The following BCL11A variants were observed in gnomAD, a reference collection of about 807,000 sequenced individuals.
The protein encoded by BCL11A is BCL11 transcription factor A.
In BCL11A, 2 loss-of-function variants were observed where a neutral mutation model predicts 55.9. The observed-to-expected ratio is 0.04, with a 90% CI of 0.01 to 0.11. The LOEUF (loss-of-function observed/expected upper bound fraction) is 0.11, where lower values mean the gene tolerates loss of function less well. BCL11A is among the 10% of genes least tolerant of loss of function. The probability of loss-of-function intolerance (pLI) is 1.00; values close to 1 mark genes in which losing one functional copy is unlikely to be tolerated. For missense variants in BCL11A, 817 were observed against 1,137.1 expected (o/e 0.72, Z 4.05); for synonymous variants, 465 against 473.4 (o/e 0.98, Z 0.23).
intron 2 of BCL11A, among the ~76,000 whole-genome samples, chr2:60,540,927 A>C (rs1246204104): frequency 1.3e-5 from 2 of 149,766 alleles, no homozygotes; most frequent in Non-Finnish European, 3.0e-5. Flanking sequence ...GGGTGATTTA[A>C]GAAATTACAG....
chr2:60,497,765 C>A (rs537408384), intron 2 of BCL11A, among the ~76,000 whole-genome samples: 41 of 152,170 alleles, frequency 2.7e-4, no homozygotes, highest in Non-Finnish European at 5.0e-4. Flanking sequence ...TTACTATAGG[C>A]ACATATTTCC....
At chr2:60,452,785 C>G, downstream of BCL11A, 7 of 719,592 alleles carry the variant, frequency 9.7e-6, no homozygotes, top group Middle Eastern at 2.6e-4. Context: ...AACCACAGGT[C>G]GAGCCACTGG....
chr2:60,550,691 G>T (rs188402781), intron 1 of BCL11A, among the ~76,000 whole-genome samples: 9 of 152,242 alleles, frequency 5.9e-5, no homozygotes, highest in African/African-American at 1.7e-4. Flanking sequence ...CAGGAGGAGG[G>T]GGTACTAACC....
At chr2:60,495,905 G>A (rs1678918413) in intron 2 of BCL11A, 1 of 152,154 alleles carries the variant, frequency 6.6e-6, no homozygotes, top group South Asian at 2.1e-4. Context: ...GCTCTAAATG[G>A]TGCTGTCATT....
intron 2 of BCL11A, among the ~76,000 whole-genome samples, chr2:60,523,523 A>C (rs1293696042): frequency 6.6e-6 from 1 of 152,216 alleles, no homozygotes. Context: ...ACACAGGCAC[A>C]CAACTATATA....
chr2:60,502,203 G>A (rs898805919), intron 2 of BCL11A, among the ~76,000 whole-genome samples: 1 of 152,206 alleles, frequency 6.6e-6, no homozygotes, highest in African/African-American at 2.4e-5. Context: ...CAGAGATCAG[G>A]TCCCTCCAAA....
intron 2 of BCL11A, among the ~76,000 whole-genome samples, chr2:60,497,669 C>T (rs1679030559): frequency 6.6e-6 from 1 of 152,134 alleles, no homozygotes; most frequent in African/African-American, 2.4e-5. Context: ...CACTTTGCAC[C>T]TTCCAGAGCA....
At chr2:60,503,062 C>T (rs556534154) in intron 2 of BCL11A, among the ~76,000 whole-genome samples, 9 of 152,286 alleles carry the variant, frequency 5.9e-5, no homozygotes, top group East Asian at 3.9e-4. Context: ...TTAATACACA[C>T]GGAATGTGTT....
chr2:60,461,883 C>T lies in BCL11A; in HGVS notation c.1029G>A (p.Leu343=). The T allele has an allele frequency of 1.9e-6, 3 of 1,614,068 alleles. No individual in the cohort carries two copies. Among genetic ancestry groups the T allele is most frequent in the Non-Finnish European group, 2.5e-6 (3 of 1,179,920 alleles). Residue 343 remains leucine (L), a synonymous_variant, in exon 4 of 4, where the codon CTG becomes CTA. Transcript: ENST00000642384. Reference sequence around the variant, plus strand: ...GCTTGCTACCTGGCTGGAATGGTTGCAGTAACCTTTGCATAGGGCTGGGCC... The same window carrying T: ...GCTTGCTACCTGGCTGGAATGGTTGTAGTAACCTTTGCATAGGGCTGGGCC... ...PGRPSPMQRL[L]QPFQPGSKPP... is the part of the protein sequence containing the mutation.
chr2:60,545,578 G>A, intron 2 of BCL11A: 2 of 192,680 alleles, frequency 1.0e-5, no homozygotes, highest in Non-Finnish European at 2.2e-5. Context: ...TGGCTGAACT[G>A]CAAATGCCTA....
chr2:60,517,899 C>G (rs1668804386), intron 2 of BCL11A, among the ~76,000 whole-genome samples: 3 of 148,172 alleles, frequency 2.0e-5, no homozygotes, highest in Non-Finnish European at 4.4e-5. Flanking sequence ...GTGCTTTCTT[C>G]TATGATTCCT....
rs144462800 is a variant in BCL11A at position 60,525,980 on chromosome 2, T to C, written c.385+19991A>G. ...AAATAGTTTATCATAATGCTCTCAA[T>C]TGGAAGGTCTTCATACTACAGGCAG... On this transcript the variant is annotated intron_variant, in intron 2 of 3. Coordinates refer to ENST00000642384, the MANE Select transcript of BCL11A (RefSeq NM_022893.4). The C allele has an allele frequency of 9.8e-5, 15 of 152,338 alleles. No homozygotes were observed. The East Asian group carries it at 2.9e-3, about 29-fold the overall frequency. The allele number at this position is 152,338 out of a possible 1,614,324, so 9.4% of individuals were successfully genotyped here. A position where few individuals can be genotyped will look rare whatever the true frequency, so the allele number is the denominator to read the frequency against.
chr2:60,513,499 G>T (rs955676161), intron 2 of BCL11A, among the ~76,000 whole-genome samples: 1 of 152,184 alleles, frequency 6.6e-6, no homozygotes, highest in African/African-American at 2.4e-5. Context: ...TGTTGGGTTA[G>T]CCTCTAGCCA....
chr2:60,541,926 C>G (rs1669942075), intron 2 of BCL11A: 2 of 705,614 alleles, frequency 2.8e-6, no homozygotes, highest in Non-Finnish European at 5.2e-6. Flanking sequence ...TCAGTCTGAG[C>G]TAGGAGAGAA....
At chr2:60,506,033 C>G (rs1352434683) in intron 2 of BCL11A, among the ~76,000 whole-genome samples, 1 of 152,164 alleles carries the variant, frequency 6.6e-6, no homozygotes, top group Non-Finnish European at 1.5e-5. Context: ...GCTTTGCAGC[C>G]CGGGTGAAAC....
At chr2:60,487,392 G>C (rs1453261183) in intron 2 of BCL11A, among the ~76,000 whole-genome samples, 1 of 152,112 alleles carries the variant, frequency 6.6e-6, no homozygotes, top group East Asian at 1.9e-4. Flanking sequence ...GAGCAGTGTA[G>C]TGGGCAGTTA....
chr2:60,450,725 A>T (rs1485188499), downstream of BCL11A: 4 of 152,142 alleles, frequency 2.6e-5, no homozygotes, highest in Non-Finnish European at 5.9e-5. Flanking sequence ...CAAACAGGCC[A>T]CTCGTGCAAT....
intron 2 of BCL11A, among the ~76,000 whole-genome samples, chr2:60,521,750 G>C (rs1334342913): frequency 2.0e-5 from 3 of 152,188 alleles, no homozygotes; most frequent in Non-Finnish European, 4.4e-5. Context: ...AGGTCCCAAA[G>C]CCTTGTCTTC....
Position 60,538,733 on chromosome 2 carries a change from CTCTCTCTGTG to C in BCL11A, c.385+7228_385+7237del, listed in dbSNP as rs1179450299. 3.4e-3 allele frequency among the ~76,000 whole-genome samples: 219 copies of C among 64,346 alleles called. 1 individual carries two copies. Among genetic ancestry groups the C allele is most frequent in the African/African-American group, 8.3e-3 (200 of 24,092 alleles). 42.2% of individuals were successfully genotyped at this position (64,346 alleles called of 152,430 possible). On this transcript the variant is annotated intron_variant, in intron 2 of 3. Transcript: ENST00000642384. The stretch of plus-strand genomic sequence containing the variant: ...TTAAACTGAATGTCTCTCTCTCTCT[CTCTCTCTGTG>C]TGTGTGTGTGTGTGTGTGTGTGTGT...
Sources: gnomAD v4.1 joint callset for allele counts (sites outside exome capture counted in the v4.1 genomes callset) on GRCh38, gnomAD v4.1.1 for gene constraint, MANE v1.5 for transcripts, NCBI Gene and HGNC (gene_info 2026-07-23, HGNC 2026-07-21) for gene names.